Variants in SH3D19 observed in about 807,000 individuals in gnomAD.
SH3D19 encodes the protein SH3 domain-containing protein 19.
In SH3D19, 58 loss-of-function variants were observed where a neutral mutation model predicts 112.1. The observed-to-expected ratio is 0.52, with a 90% CI of 0.42 to 0.64. SH3D19 has a LOEUF of 0.64. SH3D19 is among the 30% of genes least tolerant of loss of function. The pLI is 0.00. For synonymous variants in SH3D19, 391 were observed against 448.5 expected (o/e 0.87, Z 1.62); for missense variants, 1,090 against 1,263.4 (o/e 0.86, Z 2.08).
At chr4:151,301,162 T>G (rs1174280827) in intron 1 of SH3D19, among the ~76,000 whole-genome samples, 1 of 152,242 alleles carries the variant, frequency 6.6e-6, no homozygotes, top group Non-Finnish European at 1.5e-5. Flanking sequence ...GAGTAGCTTC[T>G]CCATGGTTTA....
At chr4:151,124,722 TA>T (rs78889627) in intron 19 of SH3D19, among the ~76,000 whole-genome samples, 123 of 143,286 alleles carry the variant, frequency 8.6e-4, no homozygotes, top group South Asian at 1.8e-3. Flanking sequence ...ACTCCTTCTC[TA>T]AAAAAAAAAA....
intron 1 of SH3D19, 178 bp from the exon 2 acceptor site, chr4:151,226,264 A>G: frequency 1.6e-6 from 2 of 1,221,484 alleles, no homozygotes; most frequent in African/African-American, 1.6e-5. Context: ...AAAAGACACA[A>G]TGAAGGACAG....
chr4:151,154,574 C>T (rs891463386), intron 9 of SH3D19, among the ~76,000 whole-genome samples: 2 of 151,568 alleles, frequency 1.3e-5, no homozygotes, highest in African/African-American at 2.4e-5. Context: ...CCACCACACC[C>T]GGCCTCTTTT....
intron 2 of SH3D19, among the ~76,000 whole-genome samples, chr4:151,221,409 C>T (rs566625149): frequency 1.0e-3 from 154 of 152,256 alleles, no homozygotes; most frequent in African/African-American, 3.3e-3. Flanking sequence ...GCGGGGTAGC[C>T]CTGCTCAGCT....
intron 1 of SH3D19, among the ~76,000 whole-genome samples, chr4:151,283,509 T>A: frequency 1.2e-4 from 1 of 8,552 alleles, no homozygotes; most frequent in South Asian, 2.0e-3. Context: ...GTCATTGGAC[T>A]TTTTTTTTTT....
At chr4:151,192,894 T>C (rs1344069231) in intron 2 of SH3D19, among the ~76,000 whole-genome samples, 1 of 152,174 alleles carries the variant, frequency 6.6e-6, no homozygotes, top group African/African-American at 2.4e-5. Flanking sequence ...AGACTTTCAA[T>C]TATGTTCTTT....
At chr4:151,245,727 G>A (rs1025392497) in intron 1 of SH3D19, among the ~76,000 whole-genome samples, 8 of 152,158 alleles carry the variant, frequency 5.3e-5, no homozygotes, top group South Asian at 2.1e-4. Context: ...CCAGCCTCCT[G>A]AGTAGCTGGG....
intron 1 of SH3D19, among the ~76,000 whole-genome samples, chr4:151,274,401 T>C (rs1436042952): frequency 6.6e-6 from 1 of 152,216 alleles, no homozygotes; most frequent in Non-Finnish European, 1.5e-5. Context: ...TCTTCTCACC[T>C]TCCCATATGA....
At chr4:151,162,288 G>C (rs1406900311) in intron 8 of SH3D19, among the ~76,000 whole-genome samples, 1 of 151,988 alleles carries the variant, frequency 6.6e-6, no homozygotes, top group Admixed American at 6.6e-5. Context: ...GAGAATGATG[G>C]CTTCCAGCTT....
At chr4:151,188,444 T>G (rs1762123623) in intron 2 of SH3D19, among the ~76,000 whole-genome samples, 1 of 152,194 alleles carries the variant, frequency 6.6e-6, no homozygotes, top group Non-Finnish European at 1.5e-5. Flanking sequence ...TCTTTTTATT[T>G]TGGAATATTT....
chr4:151,281,159 C>CA (rs1244375391), intron 1 of SH3D19, among the ~76,000 whole-genome samples: 4 of 151,208 alleles, frequency 2.6e-5, no homozygotes, highest in African/African-American at 9.7e-5. Context: ...CAGAGGGCTC[C>CA]AAAAAAAAGA....
intron 1 of SH3D19, chr4:151,227,773 C>T (rs1036331247): frequency 6.1e-6 from 6 of 985,340 alleles, no homozygotes; most frequent in East Asian, 1.1e-4. Context: ...TGGCTAAAGC[C>T]GAGCTAAAAC....
At chr4:151,317,610 G>A (rs1730115447) in intron 1 of SH3D19, among the ~76,000 whole-genome samples, 1 of 152,206 alleles carries the variant, frequency 6.6e-6, no homozygotes, top group South Asian at 2.1e-4. Flanking sequence ...ACTCACCTCT[G>A]ATTTGCTGAG....
intron 1 of SH3D19, among the ~76,000 whole-genome samples, chr4:151,274,119 T>C (rs1773418111): frequency 6.6e-6 from 1 of 152,076 alleles, no homozygotes; most frequent in Non-Finnish European, 1.5e-5. Context: ...ACAAATGTAA[T>C]AGTAGTAGTA....
At chr4:151,228,476 A>C (rs980387575) in intron 1 of SH3D19, among the ~76,000 whole-genome samples, 1 of 152,124 alleles carries the variant, frequency 6.6e-6, no homozygotes, top group African/African-American at 2.4e-5. Flanking sequence ...CATATAAATA[A>C]TGGGGTGTGT....
chr4:151,224,142 T>C (rs1768567475), intron 2 of SH3D19, among the ~76,000 whole-genome samples: 1 of 152,140 alleles, frequency 6.6e-6, no homozygotes, highest in South Asian at 2.1e-4. Context: ...ACCCCGTCTC[T>C]ACTAAAAACA....
chr4:151,143,352 A>G (rs1220672633), intron 12 of SH3D19, among the ~76,000 whole-genome samples: 2 of 152,202 alleles, frequency 1.3e-5, no homozygotes, highest in African/African-American at 4.8e-5. Context: ...CAGCTATGAC[A>G]GATGGATAAT....
At chr4:151,153,015 T>C (rs1275571164) in intron 9 of SH3D19, among the ~76,000 whole-genome samples, 1 of 151,704 alleles carries the variant, frequency 6.6e-6, no homozygotes, top group East Asian at 1.9e-4. Flanking sequence ...TTTGTATTTT[T>C]AGTAGAGATG....
intron 2 of SH3D19, among the ~76,000 whole-genome samples, chr4:151,213,894 A>AT (rs1766422675): frequency 1.3e-5 from 2 of 150,086 alleles, no homozygotes; most frequent in African/African-American, 4.9e-5. Context: ...TTTATTGATC[A>AT]TTCTTGGGTG....
Sources: gnomAD v4.1 joint callset for allele counts (sites outside exome capture counted in the v4.1 genomes callset) on GRCh38, gnomAD v4.1.1 for gene constraint, MANE v1.5 for transcripts, NCBI Gene and HGNC (gene_info 2026-07-23, HGNC 2026-07-21) for gene names.